The following MFSD11 variants were observed in gnomAD, a reference collection of about 807,000 sequenced individuals.
MFSD11 encodes the protein major facilitator superfamily domain containing 11.
Under a neutral mutation model 53.5 loss-of-function variants are expected in MFSD11, and 36 were observed. The ratio of observed to expected loss-of-function variants is 0.67; its 90% CI spans 0.52 to 0.89. The LOEUF is 0.89. Ranked by LOEUF, MFSD11 falls within the 40% of genes least tolerant of loss-of-function variation. MFSD11 has a pLI of 0.00. For missense variants in MFSD11, 530 were observed against 543.9 expected (o/e 0.97, Z 0.25); for synonymous variants, 186 against 184.9 (o/e 1.01, Z -0.05).
intron 8 of MFSD11, among the ~76,000 whole-genome samples, chr17:76,755,469 CAT>C (rs946658287): frequency 1.1e-4 from 17 of 152,072 alleles, no homozygotes; most frequent in African/African-American, 3.4e-4. Flanking sequence ...GCGTTAATGA[CAT>C]GTGGCCCTTA....
At chr17:76,750,365 T>A (rs982620709) in intron 7 of MFSD11, among the ~76,000 whole-genome samples, 4 of 99,470 alleles carry the variant, frequency 4.0e-5, no homozygotes, top group African/African-American at 7.2e-5. Flanking sequence ...GTGTTAGTAA[T>A]TTTTTTTTTT....
intron 7 of MFSD11, among the ~76,000 whole-genome samples, chr17:76,746,363 C>T (rs1386238156): frequency 6.6e-6 from 1 of 152,240 alleles, no homozygotes; most frequent in Non-Finnish European, 1.5e-5. Context: ...CAAGGTGAAA[C>T]AGCAAGTGCT....
At chr17:76,761,591 A>G (rs1460022653) in intron 8 of MFSD11, among the ~76,000 whole-genome samples, 1 of 152,246 alleles carries the variant, frequency 6.6e-6, no homozygotes, top group Non-Finnish European at 1.5e-5. Flanking sequence ...AAGAAGATTC[A>G]TTAAGGTGTT....
At chr17:76,782,745 C>T (rs956793578), downstream of MFSD11, among the ~76,000 whole-genome samples, 2 of 151,062 alleles carry the variant, frequency 1.3e-5, no homozygotes, top group Non-Finnish European at 3.0e-5. Context: ...CCCAAAGTGC[C>T]GGGATTACAG....
the MFSD11 span, among the ~76,000 whole-genome samples, chr17:76,801,179 G>T: frequency 1.1e-4 from 17 of 151,838 alleles, no homozygotes; most frequent in Middle Eastern, 6.8e-3. Context: ...ATCACTTGAG[G>T]CCCGGAGTTC....
Position 76,740,997 on chromosome 17 carries a change from A to G in MFSD11, c.193A>G (p.Ile65Val), listed in dbSNP as rs747326640. The change falls in exon 3 of 13, where the codon ATT (isoleucine) becomes GTT (valine). Residue 65 changes from isoleucine to valine, a missense_variant. By Grantham distance (29) the Ile-to-Val change is conservative (BLOSUM62 3). Transcript: ENST00000685175. ...TGGAGTGTTCTCTGCTTCAAATTTGATTACACCGTCAGTGGTTGCCATTGT... is the reference window on the plus strand; with the variant it reads ...TGGAGTGTTCTCTGCTTCAAATTTGGTTACACCGTCAGTGGTTGCCATTGT... ...IYGVFSASNL[I>V]TPSVVAIVGP... is the part of the protein sequence containing the mutation. 9 of 1,609,448 alleles carry G rather than the reference A, an allele frequency of 5.6e-6. No individual in the cohort carries two copies. The highest frequency in any genetic ancestry group is 6.8e-6 in the Non-Finnish European group (8 of 1,178,932).
chr17:76,769,627 T>C, intron 9 of MFSD11, 119 bp from the exon 10 acceptor site: 1 of 698,048 alleles, frequency 1.4e-6, no homozygotes, highest in Non-Finnish European at 2.3e-6. Flanking sequence ...AATATTTCAG[T>C]CTCTGTGAGT....
Position 76,776,683 on chromosome 17 carries a change from C to A in MFSD11, c.1185+142C>A. ...TTTGATAGAGTCTCTCTCTGTCACTCAGGCTGGAGTGCAGTAGCGCAATCT... is the reference window on the plus strand; with the variant it reads ...TTTGATAGAGTCTCTCTCTGTCACTAAGGCTGGAGTGCAGTAGCGCAATCT... On this transcript the variant is annotated intron_variant, in intron 12 of 12. Coordinates refer to ENST00000685175, the MANE Select transcript of MFSD11 (RefSeq NM_001242532.5). The surrounding 1 kb of genome is among the most constrained non-coding windows in gnomAD (Gnocchi z 4.2). 2.4e-6 allele frequency: 2 copies of A among 825,944 alleles called. No homozygotes were observed. Among genetic ancestry groups the A allele is most frequent in the Non-Finnish European group, 1.7e-6 (1 of 582,970 alleles). The allele number at this position is 825,944 out of a possible 1,614,324, so 51.2% of individuals were successfully genotyped here. A position where few individuals can be genotyped will look rare whatever the true frequency, so the allele number is the denominator to read the frequency against.
chr17:76,786,144 ATT>A (rs1158677966), downstream of MFSD11, among the ~76,000 whole-genome samples: 11 of 130,870 alleles, frequency 8.4e-5, no homozygotes, highest in Admixed American at 3.2e-4. Context: ...AGCTCTTCTA[ATT>A]TTTTTTTTTT....
At chr17:76,742,109 T>A (rs2078140789) in intron 4 of MFSD11, 61 bp downstream of exon 4, 1 of 1,613,790 alleles carries the variant, frequency 6.2e-7, no homozygotes, top group Non-Finnish European at 8.5e-7. Context: ...AAGGGTATTA[T>A]TTATGTGTTT....
chr17:76,740,473 G>T (rs187472662), intron 2 of MFSD11, among the ~76,000 whole-genome samples: 11 of 152,310 alleles, frequency 7.2e-5, no homozygotes, highest in Non-Finnish European at 1.3e-4. Context: ...CGCTGCCAGA[G>T]TTGTAGGCTA....
the MFSD11 span, among the ~76,000 whole-genome samples, chr17:76,786,682 A>G: frequency 6.6e-6 from 1 of 152,364 alleles, no homozygotes; most frequent in Admixed American, 6.5e-5. Flanking sequence ...TCTGTCCAGG[A>G]AAGCCCACTA....
intron 7 of MFSD11, among the ~76,000 whole-genome samples, chr17:76,747,005 T>C (rs2078607795): frequency 6.8e-6 from 1 of 146,688 alleles, no homozygotes; most frequent in Non-Finnish European, 1.5e-5. Flanking sequence ...GCCTCCCGGG[T>C]TCAAGAGATT....
chr17:76,751,673 C>T (rs2144384466), intron 7 of MFSD11, among the ~76,000 whole-genome samples: 1 of 148,028 alleles, frequency 6.8e-6, no homozygotes, highest in East Asian at 2.0e-4. Flanking sequence ...GCATTCCAGC[C>T]TGATGACAGA....
At chr17:76,769,563 A>G (rs1261214713) in intron 9 of MFSD11, 183 bp from the exon 10 acceptor site, 2 of 484,284 alleles carry the variant, frequency 4.1e-6, no homozygotes, top group African/African-American at 4.0e-5. Context: ...AGTCCATAGC[A>G]TGAAGCTAAT....
intron 10 of MFSD11, 69 bp downstream of exon 10, chr17:76,769,940 T>G: frequency 7.0e-7 from 1 of 1,420,424 alleles, no homozygotes; most frequent in South Asian, 1.3e-5. Context: ...AAATTTTAAG[T>G]GTGCTTCACC....
chr17:76,793,182 A>C, the MFSD11 span, among the ~76,000 whole-genome samples: 1 of 151,354 alleles, frequency 6.6e-6, no homozygotes, highest in Non-Finnish European at 1.5e-5. Flanking sequence ...CTGATCAAAA[A>C]TTTATTAGGC....
rs747363360 is a variant in MFSD11 at position 76,742,206 on chromosome 17, ACAAT to A, written c.375_378del (p.Asn126ArgfsTer50). 7 of 1,614,110 alleles carry A rather than the reference ACAAT, an allele frequency of 4.3e-6. No homozygotes were observed. The highest frequency in any genetic ancestry group is 1.6e-4 in the Middle Eastern group (1 of 6,084). On this transcript the variant is annotated frameshift_variant, in exon 5 of 13. Transcript: ENST00000685175. LOFTEE classifies it high-confidence loss of function. ...TTGGACAGCACAAGGAAACTGCCTG[ACAAT>A]CAATTCGGATGAGCACAGCATTGGG...
the MFSD11 span, among the ~76,000 whole-genome samples, chr17:76,800,809 G>A: frequency 6.6e-6 from 1 of 152,122 alleles, no homozygotes; most frequent in South Asian, 2.1e-4. Flanking sequence ...GGGTGCAGTG[G>A]CTCACACCTG....
Sources: allele counts gnomAD v4.1 joint callset (sites outside exome capture counted in the v4.1 genomes callset), GRCh38; gene constraint gnomAD v4.1.1; non-coding constraint Gnocchi (gnomAD v3.1); transcripts MANE v1.5; gene names NCBI Gene and HGNC (gene_info 2026-07-23, HGNC 2026-07-21).